TMEM120B: variants seen among roughly 807,000 people sequenced by gnomAD.
The protein encoded by TMEM120B is transmembrane protein 120B.
A neutral mutation model predicts 55.5 loss-of-function variants in TMEM120B; 31 were observed. That is an observed-to-expected ratio of 0.56 (90% CI 0.42 to 0.75). The LOEUF (loss-of-function observed/expected upper bound fraction) is 0.75. TMEM120B is among the 30% of genes least tolerant of loss of function. TMEM120B has a pLI of 0.00. For synonymous variants in TMEM120B, 203 were observed against 176.3 expected, an observed-to-expected ratio of 1.15 and a Z score of -1.20; for missense variants, 399 against 425.5, an observed-to-expected ratio of 0.94 and a Z score of 0.55.
intron 9 of TMEM120B, among the ~76,000 whole-genome samples, chr12:121,773,864 T>C (rs553853850): frequency 9.2e-5 from 14 of 152,020 alleles, no homozygotes; most frequent in Admixed American, 5.9e-4. Flanking sequence ...TGCCTCACTC[T>C]GAAGCCATAG....
At chr12:121,736,851 T>G (rs1160723635) in intron 1 of TMEM120B, among the ~76,000 whole-genome samples, 1 of 152,038 alleles carries the variant, frequency 6.6e-6, no homozygotes, top group African/African-American at 2.4e-5. Context: ...GGCCTGGACG[T>G]TTCTTTACGT....
chr12:121,725,584 C>T (rs1461452615), intron 1 of TMEM120B, among the ~76,000 whole-genome samples: 1 of 151,784 alleles, frequency 6.6e-6, no homozygotes, highest in Non-Finnish European at 1.5e-5. Context: ...CAAAACAACC[C>T]AAACAACTGG....
chr12:121,762,682 G>A (rs1055110766), intron 6 of TMEM120B, among the ~76,000 whole-genome samples: 3 of 152,174 alleles, frequency 2.0e-5, no homozygotes, highest in Non-Finnish European at 2.9e-5. Context: ...GGATGGACGG[G>A]TTTTGGTGAC....
At chr12:121,768,692 G>T (rs1237161442) in intron 6 of TMEM120B, among the ~76,000 whole-genome samples, 1 of 152,212 alleles carries the variant, frequency 6.6e-6, no homozygotes, top group East Asian at 1.9e-4. Flanking sequence ...GCTGCCATGT[G>T]TTTGGACTAG....
At chr12:121,770,849 A>C in intron 6 of TMEM120B, 58 bp from the exon 7 acceptor site, 1 of 1,537,728 alleles carries the variant, frequency 6.5e-7, no homozygotes, top group Non-Finnish European at 9.0e-7. Flanking sequence ...CCTCAGCGAG[A>C]CACATGCCTG....
At chr12:121,717,238 A>G (rs1894718435) in intron 1 of TMEM120B, among the ~76,000 whole-genome samples, 2 of 152,036 alleles carry the variant, frequency 1.3e-5, no homozygotes, top group South Asian at 4.2e-4. Context: ...ATCACTGGAA[A>G]CCTGATCTCG....
intron 1 of TMEM120B, among the ~76,000 whole-genome samples, chr12:121,716,309 CAAA>C (rs1278926360): frequency 5.8e-5 from 7 of 120,768 alleles, no homozygotes; most frequent in African/African-American, 5.8e-5. Flanking sequence ...CCCTCTCTCT[CAAA>C]AAAAAAAAAA....
intron 6 of TMEM120B, among the ~76,000 whole-genome samples, chr12:121,762,658 G>A (rs1873717877): frequency 6.6e-6 from 1 of 152,224 alleles, no homozygotes; most frequent in African/African-American, 2.4e-5. Flanking sequence ...AAAACTGGGA[G>A]ACCGTTACTA....
intron 5 of TMEM120B, among the ~76,000 whole-genome samples, chr12:121,756,278 G>A (rs750512404): frequency 2.6e-5 from 4 of 152,068 alleles, no homozygotes; most frequent in Non-Finnish European, 4.4e-5. Context: ...TTGGAGGATC[G>A]CTTGAGCCCA....
Position 121,780,976 on chromosome 12 carries a change from C to A in TMEM120B, c.*5254C>A. ...CAGCCGATGAGCACCATGGGGATCC[C>A]GCGGCAGAAATGCGTGACCTCAGGG... On this transcript the variant is annotated 3_prime_UTR_variant, in exon 12 of 12. Coordinates refer to ENST00000449592, the MANE Select transcript of TMEM120B (RefSeq NM_001080825.2). 6.2e-7 allele frequency: 1 copy of A among 1,613,904 alleles called. No individual in the cohort carries two copies.
chr12:121,742,802 TCCTGAC>T (rs2137124214), intron 1 of TMEM120B, among the ~76,000 whole-genome samples: 1 of 152,272 alleles, frequency 6.6e-6, no homozygotes, highest in Non-Finnish European at 1.5e-5. Flanking sequence ...GGTCTCGAAC[TCCTGAC>T]CTCTGATCTA....
intron 1 of TMEM120B, among the ~76,000 whole-genome samples, chr12:121,741,218 TG>T (rs1049127279): frequency 6.6e-6 from 1 of 152,028 alleles, no homozygotes; most frequent in Non-Finnish European, 1.5e-5. Flanking sequence ...CACACATACA[TG>T]GGGGATAAAG....
In TMEM120B at chr12:121,780,010, CCT is replaced by C. The variant is rs1169839137; in HGVS notation, c.*4294_*4295del. ...TCAAGACAGAAAGGACTTCCAGCCA[CCT>C]CTCTCCCTTCTCTGAAAGTACCATT... On this transcript the variant is annotated 3_prime_UTR_variant, in exon 12 of 12. Transcript: ENST00000449592. The C allele has an allele frequency of 8.5e-6, 2 of 234,360 alleles. No homozygotes were observed. Among genetic ancestry groups the C allele is most frequent in the Admixed American group, 5.1e-5 (1 of 19,794 alleles). The allele number at this position is 234,360 out of a possible 1,614,324, so 14.5% of individuals were successfully genotyped here. A position where few individuals can be genotyped will look rare whatever the true frequency, so the allele number is the denominator to read the frequency against.
In TMEM120B at chr12:121,739,211, C is replaced by T. The variant is rs141720919; in HGVS notation, c.70-4418C>T. The stretch of plus-strand genomic sequence containing the variant: ...TCAAAAAACAAAAAACAAAAACAAA[C>T]TTAAATTCACGAAAGACAGAGATTG... On this transcript the variant is annotated intron_variant, in intron 1 of 11. Transcript: ENST00000449592. 2.0e-3 allele frequency among the ~76,000 whole-genome samples: 306 copies of T among 152,006 alleles called. 4 individuals are homozygous for T. Among genetic ancestry groups the T allele is most frequent in the African/African-American group, 7.1e-3 (293 of 41,474 alleles).
intron 5 of TMEM120B, among the ~76,000 whole-genome samples, chr12:121,759,534 T>C (rs2137273076): frequency 6.7e-6 from 1 of 149,700 alleles, no homozygotes; most frequent in South Asian, 2.1e-4. Context: ...AAAGATTAGC[T>C]GGGTGTGGTG....
rs776779100 is a variant in TMEM120B at position 121,780,963 on chromosome 12, A to G, written c.*5241A>G. The stretch of plus-strand genomic sequence containing the variant: ...CAGGTCTGTCTTGCAGCCGATGAGC[A>G]CCATGGGGATCCCGCGGCAGAAATG... On this transcript the variant is annotated 3_prime_UTR_variant, in exon 12 of 12. Transcript: ENST00000449592. The G allele has an allele frequency of 1.5e-5, 25 of 1,613,984 alleles. No homozygotes were observed. In the South Asian group the frequency reaches 2.7e-4, roughly 18 times the overall value.
At chr12:121,767,246 C>T (rs546334627) in intron 6 of TMEM120B, among the ~76,000 whole-genome samples, 115 of 152,250 alleles carry the variant, frequency 7.6e-4, no homozygotes, top group African/African-American at 2.6e-3. Flanking sequence ...CTGCAAGCTC[C>T]GCGTCCCGGG....
At position 121,779,055 on chromosome 12, in the gene TMEM120B, G is replaced by A. The variant is rs1293266029; in HGVS notation, c.*3333G>A. The A allele has an allele frequency of 6.0e-6, 1 of 166,434 alleles. No individual in the cohort carries two copies. The highest frequency in any genetic ancestry group is 1.3e-5 in the Non-Finnish European group (1 of 75,734). The allele number at this position is 166,434 out of a possible 1,614,324, so 10.3% of individuals were successfully genotyped here. On this transcript the variant is annotated 3_prime_UTR_variant, in exon 12 of 12. Transcript: ENST00000449592. ...TGTTCCTGGGGGAAGGAAGGAAGGA[G>A]CTGGAGGATACAGTGGTGCCTATCT...
At chr12:121,731,255 T>C (rs1894997737) in intron 1 of TMEM120B, among the ~76,000 whole-genome samples, 1 of 152,128 alleles carries the variant, frequency 6.6e-6, no homozygotes, top group South Asian at 2.1e-4. Context: ...ATTTATTTAT[T>C]TATTTTATTT....
Sources: gnomAD v4.1 joint callset for allele counts (sites outside exome capture counted in the v4.1 genomes callset) on GRCh38, gnomAD v4.1.1 for gene constraint, MANE v1.5 for transcripts, NCBI Gene and HGNC (gene_info 2026-07-23, HGNC 2026-07-21) for gene names.